CREB1: variants seen among roughly 807,000 people sequenced by gnomAD.
CREB1 encodes cAMP responsive element binding protein 1.
CREB1 carries 2 observed loss-of-function variants against 42.0 expected under a neutral mutation model. That is an observed-to-expected ratio of 0.05 (90% CI 0.02 to 0.15). CREB1 has a LOEUF of 0.15. Among genes scored for constraint, CREB1 ranks in the 10% least tolerant of loss-of-function variants. The pLI, the probability that CREB1 is intolerant of heterozygous loss-of-function variation, is 1.00. For missense variants in CREB1, 199 were observed against 388.9 expected, an observed-to-expected ratio of 0.51 and a Z score of 4.11; for synonymous variants, 123 against 139.9, an observed-to-expected ratio of 0.88 and a Z score of 0.85.
chr2:207,556,194 G>A (rs575493308), intron 2 of CREB1, among the ~76,000 whole-genome samples: 1 of 152,140 alleles, frequency 6.6e-6, no homozygotes, highest in East Asian at 1.9e-4. Flanking sequence ...GAAATTTTAA[G>A]GATGATAGCA....
Position 207,577,757 on chromosome 2 carries a change from G to C in CREB1, c.839+102G>C, listed in dbSNP as rs775334595. ...CTACTGGTAATAGGATCTTTGCATT[G>C]AATTTTTTTTTTCCAGCAGAATTAA... On this transcript the variant is annotated intron_variant, in intron 7 of 7. Transcript: ENST00000353267. 1.5e-5 allele frequency: 22 copies of C among 1,437,274 alleles called. No individual in the cohort carries two copies. The East Asian group carries it at 5.4e-4, about 35-fold the overall frequency. The allele number at this position is 1,437,274 out of a possible 1,614,324, so 89.0% of individuals were successfully genotyped here.
chr2:207,553,956 C>G (rs919567528), intron 1 of CREB1, among the ~76,000 whole-genome samples: 1 of 152,006 alleles, frequency 6.6e-6, no homozygotes, highest in African/African-American at 2.4e-5. Flanking sequence ...TACAATGTGT[C>G]AATATATTAA....
At chr2:207,540,615 A>G (rs2081054164) in intron 1 of CREB1, among the ~76,000 whole-genome samples, 2 of 146,034 alleles carry the variant, frequency 1.4e-5, no homozygotes, top group South Asian at 4.4e-4. Flanking sequence ...AGCCTGGGTG[A>G]CATAGTGAGA....
chr2:207,598,920 T>C lies in CREB1; in HGVS notation c.*1862T>C, dbSNP rs1283783152. 1.1e-4 allele frequency: 20 copies of C among 181,250 alleles called. No individual in the cohort carries two copies. Among genetic ancestry groups the C allele is most frequent in the Non-Finnish European group, 2.2e-4 (19 of 84,950 alleles). 11.2% of individuals were successfully genotyped at this position (181,250 alleles called of 1,614,324 possible). On this transcript the variant is annotated 3_prime_UTR_variant, in exon 8 of 8. Coordinates refer to ENST00000353267, the MANE Select transcript of CREB1 (RefSeq NM_004379.5). The stretch of plus-strand genomic sequence containing the variant: ...GTTGAGACACTTAGAAAACTAATGT[T>C]TTATATTTAGTCAAGAGTTATTTAA...
chr2:207,578,615 G>C (rs1395052625), intron 7 of CREB1, among the ~76,000 whole-genome samples: 1 of 152,202 alleles, frequency 6.6e-6, no homozygotes, highest in Non-Finnish European at 1.5e-5. Context: ...CTTTGTAACT[G>C]TAGTGCTCTG....
chr2:207,543,715 G>A (rs2081189927), intron 1 of CREB1, among the ~76,000 whole-genome samples: 2 of 152,132 alleles, frequency 1.3e-5, no homozygotes, highest in South Asian at 4.2e-4. Context: ...TGATTCTCCT[G>A]CCTCAGCCTA....
In CREB1 at chr2:207,582,745, T is replaced by G. The variant is rs562129639; in HGVS notation, c.839+5090T>G. The G allele has an allele frequency of 2.6e-5, 5 of 190,394 alleles. No homozygotes were observed. In the East Asian group the frequency reaches 9.0e-4, roughly 34 times the overall value. The allele number at this position is 190,394 out of a possible 1,614,324, so 11.8% of individuals were successfully genotyped here. ...CCTCTCTCTACTAAAAAGAGAAAAT[T>G]TAGCCGGGGTGGTGGTGCACGCTTG... On this transcript the variant is annotated intron_variant, in intron 7 of 7. Coordinates refer to ENST00000353267, the MANE Select transcript of CREB1 (RefSeq NM_004379.5).
At position 207,603,576 on chromosome 2, in the gene CREB1, C is replaced by G. The variant is rs764361042; in HGVS notation, c.*6518C>G. On this transcript the variant is annotated 3_prime_UTR_variant, in exon 8 of 8. Transcript: ENST00000353267. ...GCAGCAAAACTAATTCAGACAACAA[C>G]ATGTCTTCAGTTACTGGATCCCTAA... The G allele has an allele frequency of 8.9e-6, 2 of 224,140 alleles. No individual in the cohort carries two copies. Among genetic ancestry groups the G allele is most frequent in the Non-Finnish European group, 8.9e-6 (1 of 112,404 alleles). The allele number at this position is 224,140 out of a possible 1,614,324, so 13.9% of individuals were successfully genotyped here.
At chr2:207,556,776 C>A (rs1294334280) in intron 2 of CREB1, among the ~76,000 whole-genome samples, 1 of 152,126 alleles carries the variant, frequency 6.6e-6, no homozygotes, top group Admixed American at 6.5e-5. Context: ...CCAGGACTTC[C>A]ATCAATATAG....
chr2:207,530,011 G>A lies in CREB1; in HGVS notation c.-132G>A, dbSNP rs1458514417. The A allele has an allele frequency of 6.5e-6, 1 of 154,096 alleles. No individual in the cohort carries two copies. The highest frequency in any genetic ancestry group is 1.4e-5 in the Non-Finnish European group (1 of 69,288). The allele number at this position is 154,096 out of a possible 1,614,324, so 9.5% of individuals were successfully genotyped here. A position where few individuals can be genotyped will look rare whatever the true frequency, so the allele number is the denominator to read the frequency against. On this transcript the variant is annotated 5_prime_UTR_variant, in exon 1 of 8. Transcript: ENST00000353267. Reference sequence around the variant, plus strand: ...GTGGCCCGGGCGGCTGGGAGAAGCGGAGTGTTGGTGAGTGACGCGGCGGAG... The same window carrying A: ...GTGGCCCGGGCGGCTGGGAGAAGCGAAGTGTTGGTGAGTGACGCGGCGGAG...
chr2:207,530,290 C>G (rs2080537634), intron 1 of CREB1, among the ~76,000 whole-genome samples, 156 bp downstream of exon 1: 1 of 151,824 alleles, frequency 6.6e-6, no homozygotes, highest in African/African-American at 2.4e-5. Flanking sequence ...ACATCGCCGC[C>G]GCTCGCAGCG....
chr2:207,558,939 G>T (rs550103235), intron 2 of CREB1, among the ~76,000 whole-genome samples: 1 of 152,132 alleles, frequency 6.6e-6, no homozygotes, highest in African/African-American at 2.4e-5. Flanking sequence ...CACATTGCCC[G>T]GCCTAAAGTG....
rs2087089727 is a variant in CREB1 at position 207,601,741 on chromosome 2, G to A, written c.*4683G>A. The stretch of plus-strand genomic sequence containing the variant: ...GCTTTGTTAACATCAAAGAAATGCT[G>A]CCTAAATTTGATTTCAGATGAGGAA... On this transcript the variant is annotated 3_prime_UTR_variant, in exon 8 of 8. Transcript: ENST00000353267. The A allele has an allele frequency of 4.6e-6, 1 of 215,890 alleles. No homozygotes were observed. Among genetic ancestry groups the A allele is most frequent in the African/African-American group, 2.3e-5 (1 of 44,308 alleles). 13.4% of individuals were successfully genotyped at this position (215,890 alleles called of 1,614,324 possible). A position where few individuals can be genotyped will look rare whatever the true frequency, so the allele number is the denominator to read the frequency against.
chr2:207,558,349 C>T (rs548721427), intron 2 of CREB1, among the ~76,000 whole-genome samples: 69 of 152,308 alleles, frequency 4.5e-4, no homozygotes, highest in African/African-American at 1.5e-3. Context: ...CCTATCCTTA[C>T]TTCTTGCATT....
At chr2:207,534,380 G>T (rs566709493) in intron 1 of CREB1, among the ~76,000 whole-genome samples, 2 of 152,178 alleles carry the variant, frequency 1.3e-5, no homozygotes, top group African/African-American at 2.4e-5. Context: ...GGAACTACAG[G>T]CATGCACCAC....
At chr2:207,581,827 T>C in intron 7 of CREB1, 1 of 702,112 alleles carries the variant, frequency 1.4e-6, no homozygotes, top group South Asian at 1.5e-5. Flanking sequence ...CGCATTTAAT[T>C]ATAGTCTCCT....
At chr2:207,587,713 G>A (rs1021537046) in intron 7 of CREB1, among the ~76,000 whole-genome samples, 2 of 152,200 alleles carry the variant, frequency 1.3e-5, no homozygotes, top group African/African-American at 2.4e-5. Flanking sequence ...AATACCACAT[G>A]TTCTCACTCA....
chr2:207,586,696 A>G (rs1053451402), intron 7 of CREB1, among the ~76,000 whole-genome samples: 7 of 152,248 alleles, frequency 4.6e-5, no homozygotes, highest in Admixed American at 2.0e-4. Flanking sequence ...AAGGAACTCA[A>G]CCGAACAGGA....
chr2:207,595,945 T>C (rs1258933500), intron 7 of CREB1, among the ~76,000 whole-genome samples: 2 of 152,220 alleles, frequency 1.3e-5, no homozygotes, highest in African/African-American at 4.8e-5. Flanking sequence ...CTTTTCACTA[T>C]TTATTGTCTT....
Sources: gnomAD v4.1 joint callset for allele counts (sites outside exome capture counted in the v4.1 genomes callset) on GRCh38, gnomAD v4.1.1 for gene constraint, MANE v1.5 for transcripts, NCBI Gene and HGNC (gene_info 2026-07-23, HGNC 2026-07-21) for gene names.